The following ARMC2 variants were observed in gnomAD, a reference collection of about 807,000 sequenced individuals.
The protein encoded by ARMC2 is armadillo repeat-containing protein 2.
Under a neutral mutation model 90.3 loss-of-function variants are expected in ARMC2, and 67 were observed. The observed-to-expected ratio is 0.74, with a 90% CI of 0.61 to 0.91. The LOEUF is 0.91. Among genes scored for constraint, ARMC2 ranks in the 40% least tolerant of loss-of-function variants. The pLI is 0.00. For missense variants in ARMC2, 920 were observed against 1,030.9 expected (o/e 0.89, Z 1.47); for synonymous variants, 393 against 393.0 (o/e 1.00, Z 0.00).
rs769592319 is a variant in ARMC2, at chr6:108,894,506, C to G, written c.711C>G (p.Pro237=). Residue 237 remains proline (P), a synonymous_variant, in exon 6 of 18, where the codon CCC becomes CCG. Transcript: ENST00000392644. The part of the protein sequence containing the change: ...GKRHARASSC[P]SSSDLSRLQT... The stretch of plus-strand genomic sequence containing the variant: ...GACATGCGAGGGCCTCATCATGCCC[C>G]AGTAGCTCAGACCTGAGCAGGCTGC... 10 of 1,611,522 alleles carry G rather than the reference C, an allele frequency of 6.2e-6. No individual in the cohort carries two copies. Among genetic ancestry groups the G allele is most frequent in the Non-Finnish European group, 8.5e-6 (10 of 1,178,946 alleles).
the ARMC2 span, chr6:109,000,720 C>G: frequency 1.5e-6 from 2 of 1,340,752 alleles, no homozygotes; most frequent in Non-Finnish European, 9.8e-7. Context: ...AAACCTTGAA[C>G]TACATATCCT....
At chr6:109,042,496 C>A in the ARMC2 span, among the ~76,000 whole-genome samples, 3 of 145,778 alleles carry the variant, frequency 2.1e-5, no homozygotes, top group Non-Finnish European at 3.0e-5. Context: ...CATAAATTAC[C>A]AATATCTATT....
chr6:108,901,405 G>A (rs1772138927), intron 7 of ARMC2, among the ~76,000 whole-genome samples: 1 of 120,028 alleles, frequency 8.3e-6, no homozygotes, highest in African/African-American at 3.1e-5. Flanking sequence ...ATGAGCCACC[G>A]CACCTGGCCT....
intron 5 of ARMC2, among the ~76,000 whole-genome samples, chr6:108,893,555 T>C (rs1771304914): frequency 6.6e-6 from 1 of 152,244 alleles, no homozygotes; most frequent in Admixed American, 6.5e-5. Context: ...GAGTTCTTTC[T>C]TATTGTAACA....
chr6:108,960,804 C>A (rs1002807138), intron 13 of ARMC2, among the ~76,000 whole-genome samples: 1 of 152,110 alleles, frequency 6.6e-6, no homozygotes, highest in African/African-American at 2.4e-5. Context: ...CAGCAGTGCA[C>A]GGGTTCTCAG....
Position 108,966,737 on chromosome 6 carries a change from T to G in ARMC2, c.2446+1597T>G, listed in dbSNP as rs1282467742. Among the ~76,000 whole-genome samples, 7 of 152,142 alleles carry G rather than the reference T, an allele frequency of 4.6e-5. No individual in the cohort carries two copies. The East Asian group carries it at 1.4e-3, about 29-fold the overall frequency. ...CAGGTTGCCTTAATTCAGTTCTCGA[T>G]GGTGGTAGAGCATTGAAATCAGCTG... is the stretch of plus-strand genomic sequence containing the variant. On this transcript the variant is annotated intron_variant, in intron 17 of 17. Coordinates refer to ENST00000392644, the MANE Select transcript of ARMC2 (RefSeq NM_032131.6).
intron 6 of ARMC2, among the ~76,000 whole-genome samples, chr6:108,895,080 A>G (rs1172485207): frequency 6.6e-6 from 1 of 150,980 alleles, no homozygotes; most frequent in African/African-American, 2.4e-5. Context: ...TGACAGTCTT[A>G]ATGGTTTTAT....
chr6:108,904,135 AAT>A (rs1470308311), intron 7 of ARMC2, 93 bp from the exon 8 acceptor site: 50 of 1,378,632 alleles, frequency 3.6e-5, no homozygotes, highest in South Asian at 1.5e-4. Context: ...CCAAGGAAAT[AAT>A]TATGGGGTTT....
intron 4 of ARMC2, among the ~76,000 whole-genome samples, chr6:108,875,126 A>G (rs755363034): frequency 2.6e-5 from 4 of 152,198 alleles, no homozygotes; most frequent in African/African-American, 9.7e-5. Context: ...GTTTTCTCAC[A>G]GACTACAGCC....
chr6:108,873,714 T>C (rs1319880527), intron 4 of ARMC2, among the ~76,000 whole-genome samples: 3 of 152,136 alleles, frequency 2.0e-5, no homozygotes, highest in Non-Finnish European at 4.4e-5. Context: ...CAGACTTTTG[T>C]TCTCTTTTCT....
intron 5 of ARMC2, among the ~76,000 whole-genome samples, chr6:108,885,332 C>G (rs1423312308): frequency 6.6e-6 from 1 of 151,958 alleles, no homozygotes; most frequent in East Asian, 1.9e-4. Context: ...TACAGACATC[C>G]CTTTAAAACC....
At chr6:108,972,550 AG>A (rs1778828767) in intron 17 of ARMC2, among the ~76,000 whole-genome samples, 2 of 152,364 alleles carry the variant, frequency 1.3e-5, no homozygotes, top group Admixed American at 1.3e-4. Context: ...TGTACACATA[AG>A]GAAGTAACAT....
At chr6:108,956,084 G>A (rs1777562632) in intron 13 of ARMC2, among the ~76,000 whole-genome samples, 1 of 152,190 alleles carries the variant, frequency 6.6e-6, no homozygotes, top group Non-Finnish European at 1.5e-5. Context: ...TGGCTCCTCA[G>A]GATCTAGCAG....
At chr6:108,906,031 A>G (rs989364076) in intron 8 of ARMC2, among the ~76,000 whole-genome samples, 15 of 152,238 alleles carry the variant, frequency 9.9e-5, no homozygotes, top group African/African-American at 3.4e-4. Context: ...AGAAAAAATC[A>G]GCAAAAACTA....
chr6:109,020,441 A>C, the ARMC2 span, among the ~76,000 whole-genome samples: 1 of 152,162 alleles, frequency 6.6e-6, no homozygotes, highest in African/African-American at 2.4e-5. Flanking sequence ...TGTGGGTAGA[A>C]AATAAAGGTA....
chr6:108,919,447 A>G (rs921873516), intron 10 of ARMC2, among the ~76,000 whole-genome samples: 7 of 152,202 alleles, frequency 4.6e-5, no homozygotes, highest in African/African-American at 1.7e-4. Context: ...TTATTGGAGG[A>G]AGTAAACTGC....
Position 108,943,015 on chromosome 6 carries a change from C to T in ARMC2, c.1596+6016C>T, listed in dbSNP as rs371625745. Among the ~76,000 whole-genome samples the T allele has an allele frequency of 1.7e-4, 26 of 152,250 alleles. No individual in the cohort carries two copies. In the South Asian group the frequency reaches 2.5e-3, roughly 15 times the overall value. ...GATGGGGAGCTTCACAGGAAGCTGC[C>T]GGTCGCTGCTGCCGTCCACAGAGGG... On this transcript the variant is annotated intron_variant, in intron 12 of 17. Coordinates refer to ENST00000392644, the MANE Select transcript of ARMC2 (RefSeq NM_032131.6).
intron 12 of ARMC2, among the ~76,000 whole-genome samples, chr6:108,944,469 C>T (rs1279095000): frequency 5.3e-5 from 8 of 152,158 alleles, no homozygotes; most frequent in Non-Finnish European, 1.0e-4. Context: ...AGAGTGGCTC[C>T]CTCAGGAGAG....
Position 108,854,239 on chromosome 6 carries a change from C to A in ARMC2, c.-29C>A. ...TGTATTTGCAGGGTGTGGTGTCTATCTGAAGAATATTTTACTTTCAAAGGA... is the reference window on the plus strand; with the variant it reads ...TGTATTTGCAGGGTGTGGTGTCTATATGAAGAATATTTTACTTTCAAAGGA... On this transcript the variant is annotated 5_prime_UTR_variant, in exon 2 of 18. The change creates a new upstream start codon in the 5' untranslated region. Transcript: ENST00000392644. 1 of 1,532,542 alleles carries A rather than the reference C, an allele frequency of 6.5e-7. No homozygotes were observed. The highest frequency in any genetic ancestry group is 1.2e-5 in the South Asian group (1 of 84,666). 94.9% of individuals were successfully genotyped at this position (1,532,542 alleles called of 1,614,324 possible). A position where few individuals can be genotyped will look rare whatever the true frequency, so the allele number is the denominator to read the frequency against.
Sources: gnomAD v4.1 joint callset for allele counts (sites outside exome capture counted in the v4.1 genomes callset) on GRCh38, gnomAD v4.1.1 for gene constraint, MANE v1.5 for transcripts, NCBI Gene and HGNC (gene_info 2026-07-23, HGNC 2026-07-21) for gene names.